Variants in AGPS observed in about 807,000 individuals in gnomAD.
AGPS encodes the protein alkyldihydroxyacetonephosphate synthase, peroxisomal.
In AGPS, 26 loss-of-function variants were observed where a neutral mutation model predicts 90.7. The observed-to-expected ratio is 0.29, with a 90% CI of 0.21 to 0.40. AGPS has a LOEUF of 0.40. AGPS is among the 10% of genes least tolerant of loss of function. AGPS has a pLI of 1.00. For missense variants in AGPS, 540 were observed against 816.1 expected (o/e 0.66, Z 4.12); for synonymous variants, 294 against 285.3 (o/e 1.03, Z -0.31).
intron 18 of AGPS, among the ~76,000 whole-genome samples, chr2:177,522,518 C>T (rs1467352510): frequency 3.3e-5 from 5 of 152,080 alleles, no homozygotes; most frequent in Non-Finnish European, 5.9e-5. Context: ...GGCGTGATCT[C>T]GGCTCACTGC....
intron 1 of AGPS, among the ~76,000 whole-genome samples, chr2:177,419,712 A>G (rs1685891455): frequency 6.6e-6 from 1 of 151,886 alleles, no homozygotes; most frequent in African/African-American, 2.4e-5. Flanking sequence ...CTGTTACAAT[A>G]TGTAGGTCAA....
chr2:177,497,449 A>G (rs545389782), intron 12 of AGPS, among the ~76,000 whole-genome samples: 1 of 151,970 alleles, frequency 6.6e-6, no homozygotes, highest in South Asian at 2.1e-4. Context: ...AAAAAATCAA[A>G]TTGATAATGG....
At chr2:177,457,400 G>A (rs1402353008) in intron 8 of AGPS, among the ~76,000 whole-genome samples, 3 of 152,124 alleles carry the variant, frequency 2.0e-5, no homozygotes, top group African/African-American at 7.2e-5. Flanking sequence ...GAATCCAGGA[G>A]CTGTTTTTTG....
At chr2:177,442,589 G>A in intron 7 of AGPS, 103 bp downstream of exon 7, 1 of 967,158 alleles carries the variant, frequency 1.0e-6, no homozygotes, top group Non-Finnish European at 1.6e-6. Flanking sequence ...GCTCACGCTT[G>A]TAATCCCAGC....
At chr2:177,465,915 C>T (rs538053210) in intron 9 of AGPS, among the ~76,000 whole-genome samples, 50 of 152,358 alleles carry the variant, frequency 3.3e-4, no homozygotes, top group African/African-American at 1.0e-3. Context: ...CTTTCAGCTC[C>T]GCCATTTAGC....
chr2:177,403,834 T>C (rs1277913108), intron 1 of AGPS, among the ~76,000 whole-genome samples: 1 of 152,230 alleles, frequency 6.6e-6, no homozygotes, highest in Non-Finnish European at 1.5e-5. Flanking sequence ...AGTATTGTAT[T>C]ATATGTAGGT....
At chr2:177,515,524 G>A (rs528800381) in intron 17 of AGPS, among the ~76,000 whole-genome samples, 6 of 141,400 alleles carry the variant, frequency 4.2e-5, no homozygotes, top group Admixed American at 7.3e-5. Context: ...CCCCACCCCC[G>A]CTGTAACATT....
intron 8 of AGPS, among the ~76,000 whole-genome samples, chr2:177,453,066 T>C (rs1484603230): frequency 6.6e-6 from 1 of 152,032 alleles, no homozygotes; most frequent in Non-Finnish European, 1.5e-5. Flanking sequence ...TGGCAAATTC[T>C]AATTTTGTCT....
intron 18 of AGPS, among the ~76,000 whole-genome samples, chr2:177,523,129 A>G (rs1689248824): frequency 2.6e-5 from 4 of 152,176 alleles, no homozygotes; most frequent in Admixed American, 2.0e-4. Context: ...ATCCCAAGTC[A>G]TTGACCTAAG....
At chr2:177,511,815 T>C (rs1464786065) in intron 16 of AGPS, among the ~76,000 whole-genome samples, 1 of 152,230 alleles carries the variant, frequency 6.6e-6, no homozygotes, top group East Asian at 1.9e-4. Flanking sequence ...AAGTGTCCCA[T>C]TGTGGGTTAT....
At chr2:177,422,245 G>A (rs552164401) in intron 2 of AGPS, among the ~76,000 whole-genome samples, 7 of 152,124 alleles carry the variant, frequency 4.6e-5, no homozygotes, top group African/African-American at 1.7e-4. Flanking sequence ...TTCAGGGTAT[G>A]GAATACTTGT....
intron 19 of AGPS, among the ~76,000 whole-genome samples, chr2:177,532,021 AC>A (rs953830074): frequency 2.0e-5 from 3 of 152,120 alleles, no homozygotes; most frequent in African/African-American, 7.2e-5. Context: ...AAACTATAAA[AC>A]CTTTAGAAAA....
At chr2:177,507,824 A>G in intron 15 of AGPS, 146 bp from the exon 16 acceptor site, 2 of 677,320 alleles carry the variant, frequency 3.0e-6, no homozygotes, top group Non-Finnish European at 5.3e-6. Flanking sequence ...ACAACTTTTC[A>G]GTGCTCTTAT....
intron 10 of AGPS, among the ~76,000 whole-genome samples, chr2:177,469,791 A>G (rs1163814805): frequency 1.3e-5 from 2 of 152,148 alleles, no homozygotes; most frequent in Non-Finnish European, 2.9e-5. Flanking sequence ...AATTGGAGTC[A>G]ACTCTATAAA....
In AGPS at chr2:177,392,834, G is replaced by C. The variant is rs1685056452; in HGVS notation, c.45G>C (p.Ala15=). ...CAGCGGGTGGGACTGGCTTGGGCGC[G>C]GGCGCGAGCTACGGGTCTGCAGCGG... ...AAAAGGTGLG[A]GASYGSAADR... The change falls in exon 1 of 20, where the codon GCG becomes GCC. Residue 15 remains alanine (A), a synonymous_variant. Transcript: ENST00000264167. The C allele has an allele frequency of 1.3e-6, 2 of 1,547,400 alleles. No individual in the cohort carries two copies.
rs1559056849 is a variant in AGPS at position 177,461,905 on chromosome 2, G to T, written c.883G>T (p.Gly295Cys). Reference sequence around the variant, plus strand: ...TTTTGTTTTTCAGCTTAAAGAAAGTGGTTATTGTACAGGTCATGAACCAGA... The same window carrying T: ...TTTTGTTTTTCAGCTTAAAGAAAGTTGTTATTGTACAGGTCATGAACCAGA... Reference protein sequence around the residue: ...QELERQLKESGYCTGHEPDSL... With the variant: ...QELERQLKESCYCTGHEPDSL... Residue 295 changes from glycine to cysteine, a missense_variant, in exon 9 of 20, where the codon GGT (glycine) becomes TGT (cysteine). Gly to Cys is a radical substitution (Grantham distance 159). This residue lies in a region of AGPS where 405 missense variants were observed against 692.1 expected (regional missense o/e 0.59). Coordinates refer to ENST00000264167, the MANE Select transcript of AGPS (RefSeq NM_003659.4). The T allele has an allele frequency of 6.2e-7, 1 of 1,611,388 alleles. No individual in the cohort carries two copies. Among genetic ancestry groups the T allele is most frequent in the Non-Finnish European group, 8.5e-7 (1 of 1,178,466 alleles).
Position 177,508,853 on chromosome 2 carries a change from A to G in AGPS, c.1607+822A>G, listed in dbSNP as rs1688784271. ...AAATCTGGAAATTTCACTGGAAATC[A>G]CTGCAGCATTTCTTTTGATCATCAT... On this transcript the variant is annotated intron_variant, in intron 16 of 19. Transcript: ENST00000264167. Among the ~76,000 whole-genome samples, 3 of 152,144 alleles carry G rather than the reference A, an allele frequency of 2.0e-5. No homozygotes were observed. In the South Asian group the frequency reaches 6.2e-4, roughly 31 times the overall value.
At chr2:177,518,610 C>T (rs1689091510) in intron 17 of AGPS, among the ~76,000 whole-genome samples, 2 of 152,048 alleles carry the variant, frequency 1.3e-5, no homozygotes, top group Admixed American at 6.6e-5. Flanking sequence ...ATTCATTTTA[C>T]ATTTATCAAT....
chr2:177,422,674 A>G (rs572586200), intron 2 of AGPS, among the ~76,000 whole-genome samples: 1 of 152,356 alleles, frequency 6.6e-6, no homozygotes, highest in Admixed American at 6.5e-5. Context: ...TTAAATATAT[A>G]CTAAACAAAC....
Sources: allele counts gnomAD v4.1 joint callset (sites outside exome capture counted in the v4.1 genomes callset), GRCh38; gene constraint gnomAD v4.1.1; regional missense constraint gnomAD v4.1.1; transcripts MANE v1.5; gene names NCBI Gene and HGNC (gene_info 2026-07-23, HGNC 2026-07-21).